PMFBP1: variants seen among roughly 807,000 people sequenced by gnomAD.
PMFBP1 encodes polyamine modulated factor 1 binding protein 1, also known as polyamine-modulated factor 1-binding protein 1.
A neutral mutation model predicts 137.8 loss-of-function variants in PMFBP1; 131 were observed. That is an observed-to-expected ratio of 0.95 (90% confidence interval 0.82 to 1.10). PMFBP1 has a LOEUF of 1.10. Ranked by LOEUF, PMFBP1 falls within the 50% of genes least tolerant of loss-of-function variation. PMFBP1 has a pLI of 0.00. For missense variants in PMFBP1, 1,199 were observed against 1,175.4 expected (o/e 1.02, Z -0.29); for synonymous variants, 490 against 450.4 (o/e 1.09, Z -1.11).
intron 3 of PMFBP1, among the ~76,000 whole-genome samples, chr16:72,158,262 A>G (rs1481570311): frequency 2.6e-5 from 4 of 152,244 alleles, no homozygotes; most frequent in Admixed American, 2.0e-4. Context: ...ACGCCAGTGT[A>G]TGTGGCTGGA....
chr16:72,137,205 GAGAC>G (rs1421459310), intron 7 of PMFBP1, among the ~76,000 whole-genome samples: 1 of 152,148 alleles, frequency 6.6e-6, no homozygotes. Flanking sequence ...CTTCCTCCCT[GAGAC>G]AGACAGTTGT....
rs779932316 is a variant in PMFBP1, at chr16:72,154,340, T to C, written c.285A>G (p.Gln95=). 1.9e-6 allele frequency: 3 copies of C among 1,614,188 alleles called. No individual in the cohort carries two copies. The highest frequency in any genetic ancestry group is 3.3e-5 in the Admixed American group (2 of 60,020). Residue 95 remains glutamine, a synonymous_variant, in exon 4 of 21, where the codon CAA becomes CAG. Coordinates refer to ENST00000237353, the MANE Select transcript of PMFBP1 (RefSeq NM_031293.3). ...QLKKKLLVLQ[Q]ELEFHTEELQ... ...ACTCCTCTGTGTGAAACTCCAGTTC[T>C]TGTTGAAGGACCAGCAATTTTTTCT... is the stretch of plus-strand genomic sequence containing the variant.
In PMFBP1 at chr16:72,119,256, G is replaced by T. The variant is rs920245769; in HGVS notation, c.*82C>A. 12 of 1,478,836 alleles carry T rather than the reference G, an allele frequency of 8.1e-6. No homozygotes were observed. The highest frequency in any genetic ancestry group is 1.1e-5 in the Non-Finnish European group (12 of 1,057,870). 91.6% of individuals were successfully genotyped at this position (1,478,836 alleles called of 1,614,324 possible). A position where few individuals can be genotyped will look rare whatever the true frequency, so the allele number is the denominator to read the frequency against. On this transcript the variant is annotated 3_prime_UTR_variant, in exon 21 of 21. Coordinates refer to ENST00000237353, the MANE Select transcript of PMFBP1 (RefSeq NM_031293.3). ...TATACTCCTGTAAGAGCTGATCCAG[G>T]TCAAGAGAGAGGGAGGGCTGGGAAC...
At chr16:72,128,900 C>T (rs751143408) in intron 13 of PMFBP1, 106 bp from the exon 14 acceptor site, 13 of 1,529,864 alleles carry the variant, frequency 8.5e-6, no homozygotes, top group Middle Eastern at 1.7e-4. Context: ...CTCCACCCTG[C>T]GGGAGCTCAG....
chr16:72,136,626 G>C (rs1012718678), intron 8 of PMFBP1, 21 bp from the exon 9 acceptor site: 1 of 1,614,002 alleles, frequency 6.2e-7, no homozygotes, highest in African/African-American at 1.3e-5. Context: ...GCGGGACAGA[G>C]TCTATGCTCA....
chr16:72,217,054 G>C, the PMFBP1 span, among the ~76,000 whole-genome samples: 2 of 152,188 alleles, frequency 1.3e-5, no homozygotes, highest in Non-Finnish European at 2.9e-5. Flanking sequence ...GCAGAGATGA[G>C]TGTGTCCTAT....
chr16:72,192,824 C>T, the PMFBP1 span, among the ~76,000 whole-genome samples: 2 of 151,116 alleles, frequency 1.3e-5, no homozygotes, highest in Admixed American at 1.3e-4. Context: ...ATCGCTTGAA[C>T]TCGGGAGGCG....
At chr16:72,123,511 T>A in intron 18 of PMFBP1, 35 bp downstream of exon 18, 1 of 1,599,774 alleles carries the variant, frequency 6.3e-7, no homozygotes, top group Non-Finnish European at 8.6e-7. Flanking sequence ...AGTCCAGGCC[T>A]CGGACCCTGC....
intron 14 of PMFBP1, among the ~76,000 whole-genome samples, chr16:72,128,051 T>C (rs541851976): frequency 1.3e-5 from 2 of 152,328 alleles, no homozygotes; most frequent in Non-Finnish European, 1.5e-5. Flanking sequence ...GTGTTAGAGC[T>C]GGATAATTCA....
At chr16:72,233,070 G>A in the PMFBP1 span, among the ~76,000 whole-genome samples, 2 of 151,956 alleles carry the variant, frequency 1.3e-5, no homozygotes, top group Non-Finnish European at 2.9e-5. Context: ...AAAATGTTAA[G>A]GTAAATCATT....
chr16:72,136,560 G>A lies in PMFBP1; in HGVS notation c.1091C>T (p.Thr364Ile). The change falls in exon 9 of 21, where the codon ACA becomes ATA. Residue 364 changes from threonine to isoleucine, a missense_variant. By Grantham distance (89) the Thr-to-Ile change is moderately conservative. Coordinates refer to ENST00000237353, the MANE Select transcript of PMFBP1 (RefSeq NM_031293.3). ...ELDLHGLREE[T>I]SAHIERKDKD... is the part of the protein sequence containing the mutation. ...ATCCTTCCTCTCAATGTGGGCAGAT[G>A]TCTCCTCCCGCAGTCCGTGCAGGTC... is the stretch of plus-strand genomic sequence containing the variant. 6.2e-7 allele frequency: 1 copy of A among 1,614,056 alleles called. No homozygotes were observed. Among genetic ancestry groups the A allele is most frequent in the Non-Finnish European group, 8.5e-7 (1 of 1,180,008 alleles).
At chr16:72,125,132 C>A in intron 16 of PMFBP1, 106 bp downstream of exon 16, 1 of 1,460,292 alleles carries the variant, frequency 6.8e-7, no homozygotes, top group Non-Finnish European at 9.2e-7. Context: ...GTGGAGGGAA[C>A]CTAGCAGCCC....
chr16:72,163,574 G>A (rs1177718766), intron 3 of PMFBP1, among the ~76,000 whole-genome samples: 1 of 152,220 alleles, frequency 6.6e-6, no homozygotes, highest in Non-Finnish European at 1.5e-5. Flanking sequence ...TCAAGTAGTA[G>A]TTGATGTGGG....
intron 5 of PMFBP1, among the ~76,000 whole-genome samples, chr16:72,142,776 T>C (rs558443168): frequency 1.2e-4 from 18 of 152,290 alleles, no homozygotes; most frequent in African/African-American, 4.3e-4. Flanking sequence ...GGTTTATTTG[T>C]AATATTAAAG....
chr16:72,125,515 CA>C, intron 15 of PMFBP1, 110 bp from the exon 16 acceptor site: 1 of 1,239,572 alleles, frequency 8.1e-7, no homozygotes, highest in Non-Finnish European at 1.1e-6. Context: ...CCCAGGGTGA[CA>C]CGGACGGTCA....
chr16:72,161,854 C>T (rs2043067367), intron 3 of PMFBP1, among the ~76,000 whole-genome samples: 1 of 152,068 alleles, frequency 6.6e-6, no homozygotes, highest in African/African-American at 2.4e-5. Flanking sequence ...TGATTCAAAA[C>T]GATACTGTGT....
At chr16:72,187,995 T>C in the PMFBP1 span, among the ~76,000 whole-genome samples, 1 of 152,234 alleles carries the variant, frequency 6.6e-6, no homozygotes, top group African/African-American at 2.4e-5. Context: ...TCTTTTCCTT[T>C]GTAGGTACAA....
At chr16:72,222,193 G>A in the PMFBP1 span, among the ~76,000 whole-genome samples, 1 of 152,056 alleles carries the variant, frequency 6.6e-6, no homozygotes, top group Non-Finnish European at 1.5e-5. Context: ...GACTGGTCTT[G>A]AATTCCTGGT....
chr16:72,182,217 T>C, the PMFBP1 span, among the ~76,000 whole-genome samples: 1 of 152,046 alleles, frequency 6.6e-6, no homozygotes, highest in Non-Finnish European at 1.5e-5. Flanking sequence ...ACTTCAAAAG[T>C]CAAGAGGTGG....
Sources: gnomAD v4.1 joint callset for allele counts (sites outside exome capture counted in the v4.1 genomes callset) on GRCh38, gnomAD v4.1.1 for gene constraint, MANE v1.5 for transcripts, NCBI Gene and HGNC (gene_info 2026-07-23, HGNC 2026-07-21) for gene names.